Variants in ANK3 observed in about 807,000 individuals in gnomAD.
ANK3 encodes the protein ankyrin-3.
Under a neutral mutation model 370.9 loss-of-function variants are expected in ANK3, and 57 were observed. The ratio of observed to expected loss-of-function variants is 0.15; its 90% CI spans 0.12 to 0.19. The LOEUF (loss-of-function observed/expected upper bound fraction) is 0.19, where lower values mean the gene tolerates loss of function less well. Ranked by LOEUF, ANK3 falls within the 10% of genes least tolerant of loss-of-function variation. The pLI, the probability that ANK3 is intolerant of heterozygous loss-of-function variation, is 1.00. For missense variants in ANK3, 4,439 were observed against 5,302.1 expected (o/e 0.84, Z 5.06); for synonymous variants, 1,929 against 1,946.3 (o/e 0.99, Z 0.23).
intron 1 of ANK3, among the ~76,000 whole-genome samples, chr10:60,628,901 G>T (rs10994437): frequency 5.3e-5 from 8 of 151,994 alleles, no homozygotes; most frequent in African/African-American, 7.2e-5. Flanking sequence ...GAATTTCAAA[G>T]TGATTGCTAA....
intron 39 of ANK3, 93 bp downstream of exon 39, chr10:60,064,064 T>G (rs965560904): frequency 8.2e-7 from 1 of 1,221,890 alleles, no homozygotes; most frequent in Non-Finnish European, 1.1e-6. Flanking sequence ...TACAGAAAAT[T>G]ACAACACTAC....
intron 1 of ANK3, among the ~76,000 whole-genome samples, chr10:60,298,264 A>G (rs1204727856): frequency 6.6e-6 from 1 of 152,202 alleles, no homozygotes; most frequent in African/African-American, 2.4e-5. Context: ...AACTAGTTCT[A>G]GTTCTTCCAT....
chr10:60,387,160 CAA>C (rs554734732), intron 1 of ANK3, among the ~76,000 whole-genome samples: 3 of 139,944 alleles, frequency 2.1e-5, no homozygotes, highest in African/African-American at 2.6e-5. Flanking sequence ...GACTCCATCT[CAA>C]AAAAAAAAAA....
intron 1 of ANK3, among the ~76,000 whole-genome samples, chr10:60,318,186 C>T (rs962000942): frequency 2.6e-5 from 4 of 152,142 alleles, no homozygotes; most frequent in Non-Finnish European, 5.9e-5. Context: ...GTTTGCTGCA[C>T]TTATCAACCC....
intron 2 of ANK3, among the ~76,000 whole-genome samples, chr10:60,419,723 C>G (rs907880018): frequency 6.6e-6 from 1 of 152,072 alleles, no homozygotes; most frequent in Non-Finnish European, 1.5e-5. Flanking sequence ...AGGGACCTAC[C>G]TTTTTAAAAG....
chr10:60,063,364 T>C, intron 39 of ANK3, 110 bp from the exon 40 acceptor site: 1 of 1,058,270 alleles, frequency 9.4e-7, no homozygotes, highest in Non-Finnish European at 1.3e-6. Context: ...TTTTAGCTCC[T>C]TCTTACTCCA....
chr10:60,493,106 A>T (rs940597380), intron 2 of ANK3, among the ~76,000 whole-genome samples: 1 of 151,760 alleles, frequency 6.6e-6, no homozygotes, highest in Non-Finnish European at 1.5e-5. Context: ...AAAGAAAAGA[A>T]AAGCTGACTG....
At chr10:60,140,400 T>C in intron 23 of ANK3, 1 of 1,613,754 alleles carries the variant, frequency 6.2e-7, no homozygotes, top group Middle Eastern at 1.7e-4. Context: ...AATGTTTTCC[T>C]GATGTTTCCA....
intron 2 of ANK3, among the ~76,000 whole-genome samples, chr10:60,454,847 C>T (rs1034984290): frequency 1.3e-5 from 2 of 152,024 alleles, no homozygotes; most frequent in African/African-American, 4.8e-5. Context: ...ATAGTGAAAC[C>T]TTATATAGCA....
intron 1 of ANK3, among the ~76,000 whole-genome samples, chr10:60,627,268 G>A (rs2078424204): frequency 6.6e-6 from 1 of 151,968 alleles, no homozygotes; most frequent in Non-Finnish European, 1.5e-5. Context: ...TTTCTAGAAT[G>A]AACTGCACTT....
intron 1 of ANK3, among the ~76,000 whole-genome samples, chr10:60,380,667 A>T (rs1447096432): frequency 3.9e-5 from 6 of 152,262 alleles, no homozygotes; most frequent in African/African-American, 1.4e-4. Flanking sequence ...ATTCTGCTTC[A>T]TATACTTTTG....
chr10:60,114,476 A>T, intron 25 of ANK3, 145 bp from the exon 26 acceptor site: 1 of 429,848 alleles, frequency 2.3e-6, no homozygotes, highest in Non-Finnish European at 4.1e-6. Flanking sequence ...CTCTATAGAA[A>T]TACATTGAAA....
At chr10:60,064,521 C>T (rs1403587752) in intron 38 of ANK3, among the ~76,000 whole-genome samples, 1 of 151,896 alleles carries the variant, frequency 6.6e-6, no homozygotes, top group Non-Finnish European at 1.5e-5. Flanking sequence ...TTTTAGAGAC[C>T]ATCTTATAAA....
chr10:60,200,037 T>C (rs750848048), intron 13 of ANK3, 92 bp downstream of exon 13: 146 of 899,764 alleles, frequency 1.6e-4, no homozygotes, highest in Non-Finnish European at 2.5e-4. Context: ...TTTTAAAGTA[T>C]TCTTGAAAGA....
chr10:60,290,643 G>A (rs747453238), intron 1 of ANK3, among the ~76,000 whole-genome samples: 1 of 152,128 alleles, frequency 6.6e-6, no homozygotes, highest in Admixed American at 6.5e-5. Context: ...TTGCTTGGAA[G>A]TACCCTCAGT....
Position 60,031,198 on chromosome 10 carries a change from A to AC in ANK3, c.*20-1373_*20-1372insG, listed in dbSNP as rs1228010463. ...AATGAAATTTCTTTTCCATAACCAA[A>AC]TTAAAATTAGAGACAAACTTCTACC... On this transcript the variant is annotated intron_variant, in intron 43 of 43. Transcript: ENST00000280772. 2.6e-5 allele frequency among the ~76,000 whole-genome samples: 4 copies of AC among 152,164 alleles called. No homozygotes were observed. In the East Asian group the frequency reaches 7.7e-4, roughly 29 times the overall value.
chr10:60,158,609 C>A (rs1477016638), intron 23 of ANK3, among the ~76,000 whole-genome samples: 2 of 151,160 alleles, frequency 1.3e-5, no homozygotes, highest in Non-Finnish European at 2.9e-5. Flanking sequence ...TTATGGTAAG[C>A]ACAAAAACCT....
At chr10:60,547,813 T>G (rs1192760416) in intron 2 of ANK3, among the ~76,000 whole-genome samples, 1 of 152,132 alleles carries the variant, frequency 6.6e-6, no homozygotes, top group Admixed American at 6.6e-5. Flanking sequence ...CAGTTACCTA[T>G]TCAAACTCTT....
At chr10:60,240,147 T>C (rs867674149) in intron 7 of ANK3, among the ~76,000 whole-genome samples, 88 of 133,920 alleles carry the variant, frequency 6.6e-4, no homozygotes, top group African/African-American at 2.0e-3. Flanking sequence ...TATATACACA[T>C]ATATATACAT....
Sources: gnomAD v4.1 joint callset for allele counts (sites outside exome capture counted in the v4.1 genomes callset) on GRCh38, gnomAD v4.1.1 for gene constraint, MANE v1.5 for transcripts, NCBI Gene and HGNC (gene_info 2026-07-23, HGNC 2026-07-21) for gene names.